Variants in BMPR1B observed in about 807,000 individuals in gnomAD.
The protein encoded by BMPR1B is bone morphogenetic protein receptor type 1B.
In BMPR1B, 12 loss-of-function variants were observed where a neutral mutation model predicts 59.1. That is an observed-to-expected ratio of 0.20 (90% CI 0.13 to 0.33). The LOEUF (loss-of-function observed/expected upper bound fraction) is 0.33, where lower values mean the gene tolerates loss of function less well. Ranked by LOEUF, BMPR1B falls within the 10% of genes least tolerant of loss-of-function variation. BMPR1B has a pLI of 1.00. For missense variants in BMPR1B, 550 were observed against 610.9 expected, an observed-to-expected ratio of 0.90 and a Z score of 1.05; for synonymous variants, 237 against 207.3, an observed-to-expected ratio of 1.14 and a Z score of -1.23.
At chr4:95,120,206 C>A (rs1033498754) in intron 6 of BMPR1B, among the ~76,000 whole-genome samples, 33 of 152,152 alleles carry the variant, frequency 2.2e-4, no homozygotes, top group Admixed American at 2.6e-4. Flanking sequence ...ATTTTATTGT[C>A]TTTTATGGCT....
At chr4:94,841,890 T>G (rs531609019) in intron 1 of BMPR1B, among the ~76,000 whole-genome samples, 1 of 152,316 alleles carries the variant, frequency 6.6e-6, no homozygotes, top group East Asian at 1.9e-4. Flanking sequence ...CATTCTAATC[T>G]TACTTTAGGA....
chr4:95,023,913 G>A (rs1447600961), intron 3 of BMPR1B, among the ~76,000 whole-genome samples: 1 of 152,146 alleles, frequency 6.6e-6, no homozygotes, highest in Non-Finnish European at 1.5e-5. Flanking sequence ...ACAATATTGG[G>A]AGGCATAAGG....
At chr4:94,998,809 C>T (rs899764236) in intron 3 of BMPR1B, among the ~76,000 whole-genome samples, 1 of 152,140 alleles carries the variant, frequency 6.6e-6, no homozygotes, top group African/African-American at 2.4e-5. Context: ...GTTCATATAC[C>T]TTCTACTTTT....
At chr4:94,803,140 T>C (rs773895379) in intron 1 of BMPR1B, among the ~76,000 whole-genome samples, 7 of 152,218 alleles carry the variant, frequency 4.6e-5, no homozygotes, top group Non-Finnish European at 7.3e-5. Context: ...TGTCTTTGGC[T>C]GTTGCGGGAC....
intron 2 of BMPR1B, among the ~76,000 whole-genome samples, chr4:94,916,505 T>G (rs72889508): frequency 0.026 from 3,920 of 152,270 alleles, 157 homozygotes; most frequent in African/African-American, 0.089. Flanking sequence ...AAGTTTGAAC[T>G]TAGGAGTGAT....
At chr4:94,914,708 A>G (rs1275287792) in intron 2 of BMPR1B, among the ~76,000 whole-genome samples, 2 of 152,106 alleles carry the variant, frequency 1.3e-5, no homozygotes, top group Admixed American at 1.3e-4. Context: ...AAATTTTGAG[A>G]TGAAATATTT....
rs78076135 is a variant in BMPR1B at position 94,981,120 on chromosome 4, A to G, written c.-112-14920A>G. On this transcript the variant is annotated intron_variant, in intron 2 of 12. Transcript: ENST00000515059. ...CTACTACCTTGAAATTCCCTTAGAT[A>G]AAAAATTGGTAGTGTAATACTTATA... is the stretch of plus-strand genomic sequence containing the variant. Among the ~76,000 whole-genome samples the G allele has an allele frequency of 3.5e-3, 528 of 152,322 alleles. 2 individuals are homozygous for G. Among genetic ancestry groups the G allele is most frequent in the Non-Finnish European group, 5.8e-3 (397 of 68,036 alleles).
At chr4:94,758,307 G>C (rs1560801289) in intron 1 of BMPR1B, among the ~76,000 whole-genome samples, 3 of 151,206 alleles carry the variant, frequency 2.0e-5, no homozygotes, top group Admixed American at 6.6e-5. Context: ...GGGGTCAGGC[G>C]GTGGCCGCCT....
intron 1 of BMPR1B, among the ~76,000 whole-genome samples, chr4:94,791,048 C>T (rs1374065878): frequency 1.3e-5 from 2 of 152,074 alleles, no homozygotes; most frequent in East Asian, 1.9e-4. Flanking sequence ...AGTGCAGTGG[C>T]GTGATCTCAG....
intron 2 of BMPR1B, among the ~76,000 whole-genome samples, chr4:94,978,088 T>G (rs780987606): frequency 6.6e-6 from 1 of 152,190 alleles, no homozygotes; most frequent in African/African-American, 2.4e-5. Context: ...ACTAACAATC[T>G]CTTGCAGGCC....
chr4:94,872,626 T>C (rs989999788), intron 1 of BMPR1B, among the ~76,000 whole-genome samples: 4 of 152,196 alleles, frequency 2.6e-5, no homozygotes, highest in Admixed American at 1.3e-4. Context: ...AGCATGCCTG[T>C]AGTCCCAGCT....
At chr4:94,985,621 A>G (rs937771444) in intron 2 of BMPR1B, among the ~76,000 whole-genome samples, 1 of 150,700 alleles carries the variant, frequency 6.6e-6, no homozygotes, top group African/African-American at 2.5e-5. Context: ...TTCCATGGTA[A>G]TTATTGTGTT....
At chr4:95,133,060 C>A (rs1014887431) in intron 10 of BMPR1B, among the ~76,000 whole-genome samples, 1 of 152,172 alleles carries the variant, frequency 6.6e-6, no homozygotes, top group Admixed American at 6.5e-5. Context: ...TTTGGCTGAT[C>A]CATTCTTAAT....
intron 1 of BMPR1B, among the ~76,000 whole-genome samples, chr4:94,866,476 C>A (rs192375064): frequency 6.6e-6 from 1 of 152,164 alleles, no homozygotes; most frequent in African/African-American, 2.4e-5. Flanking sequence ...TCTCTTTTCC[C>A]GTCCAAAATC....
rs115295990 is a variant in BMPR1B, at chr4:94,847,473, G to T, written c.-182-28358G>T. 6.9e-3 allele frequency among the ~76,000 whole-genome samples: 1,049 copies of T among 152,260 alleles called. 11 individuals are homozygous for T. Among genetic ancestry groups the T allele is most frequent in the African/African-American group, 0.023 (970 of 41,558 alleles). ...GAAAGGAAATCAGTGTTATCGAATA[G>T]ATATTTGCACTCCCATGTTTATTGC... On this transcript the variant is annotated intron_variant, in intron 1 of 12. Coordinates refer to ENST00000515059, the MANE Select transcript of BMPR1B (RefSeq NM_001203.3).
intron 2 of BMPR1B, among the ~76,000 whole-genome samples, chr4:94,888,776 G>A (rs1442734425): frequency 6.6e-6 from 1 of 151,870 alleles, no homozygotes; most frequent in Non-Finnish European, 1.5e-5. Context: ...ATATTTTGTT[G>A]TATGATTATT....
At chr4:94,772,173 G>A (rs1722210996) in intron 1 of BMPR1B, among the ~76,000 whole-genome samples, 1 of 152,184 alleles carries the variant, frequency 6.6e-6, no homozygotes, top group Non-Finnish European at 1.5e-5. Flanking sequence ...GACTGCAGCA[G>A]TTTTCCAGGC....
intron 1 of BMPR1B, among the ~76,000 whole-genome samples, chr4:94,865,477 A>G (rs1002387811): frequency 1.3e-5 from 2 of 150,542 alleles, no homozygotes; most frequent in African/African-American, 4.9e-5. Flanking sequence ...TGCAACCTCC[A>G]CCTCCCAGGT....
At chr4:95,046,198 C>T (rs1425414520) in intron 3 of BMPR1B, among the ~76,000 whole-genome samples, 3 of 152,120 alleles carry the variant, frequency 2.0e-5, no homozygotes, top group Non-Finnish European at 4.4e-5. Context: ...CAAGTACAAA[C>T]CACTGTGTCC....
Sources: gnomAD v4.1 joint callset for allele counts (sites outside exome capture counted in the v4.1 genomes callset) on GRCh38, gnomAD v4.1.1 for gene constraint, MANE v1.5 for transcripts, NCBI Gene and HGNC (gene_info 2026-07-23, HGNC 2026-07-21) for gene names.